The following TRIM66 variants were observed in gnomAD, a reference collection of about 807,000 sequenced individuals.
TRIM66 encodes the protein tripartite motif-containing protein 66.
In TRIM66, 99 loss-of-function variants were observed where a neutral mutation model predicts 148.2. The ratio of observed to expected loss-of-function variants is 0.67; its 90% CI spans 0.57 to 0.79. TRIM66 has a LOEUF of 0.79. TRIM66 is among the 30% of genes least tolerant of loss of function. TRIM66 has a pLI of 0.00. For synonymous variants in TRIM66, 616 were observed against 635.9 expected, an observed-to-expected ratio of 0.97 and a Z score of 0.47; for missense variants, 1,666 against 1,697.9, an observed-to-expected ratio of 0.98 and a Z score of 0.33.
chr11:8,671,912 G>T lies in TRIM66; in HGVS notation c.214C>A (p.His72Asn). Residue 72 changes from histidine (H) to asparagine (N), a missense_variant, in exon 6 of 25, where the codon CAT becomes AAT. This residue lies in a region of TRIM66 where 1,431 missense variants were observed against 1,412.4 expected (regional missense o/e 1.01). Coordinates refer to ENST00000646038, the MANE Select transcript of TRIM66 (RefSeq NM_001388022.1). ...GAGCCCATACCTGGCAGGTCCTGATGGCACAATGAGCAGGTCATTACCATG... is the reference window on the plus strand; with the variant it reads ...GAGCCCATACCTGGCAGGTCCTGATTGCACAATGAGCAGGTCATTACCATG... ...EAMVMTCSLC[H>N]QDLPGMGSHL... The T allele has an allele frequency of 1.3e-6, 2 of 1,536,118 alleles. No individual in the cohort carries two copies. Among genetic ancestry groups the T allele is most frequent in the South Asian group, 1.2e-5 (1 of 84,064 alleles).
intron 6 of TRIM66, among the ~76,000 whole-genome samples, chr11:8,661,672 C>T (rs528365886): frequency 1.3e-5 from 2 of 152,216 alleles, no homozygotes; most frequent in South Asian, 2.1e-4. Flanking sequence ...TGCAAGTGAC[C>T]GATTATGTGG....
chr11:8,624,733 G>A lies in TRIM66; in HGVS notation c.2806C>T (p.Leu936=), dbSNP rs1188975974. The change falls in exon 16 of 25, where the codon CTG becomes TTG. Residue 936 remains leucine (L), a synonymous_variant. Transcript: ENST00000646038. ...CTTACCTTACACAGAGCATTCTCCAGGGAGGGATCAGCCCCATCTCTGGGA... is the reference window on the plus strand; with the variant it reads ...CTTACCTTACACAGAGCATTCTCCAAGGAGGGATCAGCCCCATCTCTGGGA... ...LCPRDGADPS[L]ENALCKMESE... is the part of the protein sequence containing the mutation. The A allele has an allele frequency of 6.5e-7, 1 of 1,534,564 alleles. No homozygotes were observed. Among genetic ancestry groups the A allele is most frequent in the Admixed American group, 2.0e-5 (1 of 50,016 alleles).
intron 3 of TRIM66, 185 bp downstream of exon 3, chr11:8,679,435 G>A (rs915368141): frequency 6.6e-6 from 1 of 152,578 alleles, no homozygotes; most frequent in African/African-American, 2.4e-5. Flanking sequence ...CTTCTGTTCA[G>A]CCGCGTGACC....
At chr11:8,668,409 T>G (rs1043658455) in intron 6 of TRIM66, among the ~76,000 whole-genome samples, 2 of 152,104 alleles carry the variant, frequency 1.3e-5, no homozygotes, top group Non-Finnish European at 2.9e-5. Flanking sequence ...GTAGTTCTTC[T>G]GCTTCAGTGA....
At chr11:8,681,393 A>G (rs574052877) in intron 1 of TRIM66, among the ~76,000 whole-genome samples, 8 of 152,090 alleles carry the variant, frequency 5.3e-5, no homozygotes, top group Non-Finnish European at 8.8e-5. Flanking sequence ...TCGGCCTTCC[A>G]AAGTGCTGGG....
chr11:8,625,275 T>TGGAG, intron 15 of TRIM66, 47 bp from the exon 16 acceptor site: 2 of 1,455,220 alleles, frequency 1.4e-6, no homozygotes, highest in Non-Finnish European at 1.8e-6. Flanking sequence ...TAGCTGGGAA[T>TGGAG]GGAGGGAGGG....
intron 6 of TRIM66, among the ~76,000 whole-genome samples, chr11:8,656,071 C>T (rs2037805331): frequency 6.6e-6 from 1 of 152,162 alleles, no homozygotes. Flanking sequence ...GTCACAACAC[C>T]TTTGTCCAGA....
intron 20 of TRIM66, 27 bp from the exon 21 acceptor site, chr11:8,620,599 G>A: frequency 6.4e-7 from 1 of 1,550,632 alleles, no homozygotes; most frequent in South Asian, 1.2e-5. Context: ...GGCCATGTTA[G>A]GCCTCAGCAC....
chr11:8,658,100 TCTC>T (rs1236055463), intron 6 of TRIM66, among the ~76,000 whole-genome samples: 2 of 152,276 alleles, frequency 1.3e-5, no homozygotes, highest in East Asian at 3.9e-4. Flanking sequence ...GCCTGGATCC[TCTC>T]CTCCTTTCTC....
rs776380709 is a variant in TRIM66, at chr11:8,622,838, C to T, written c.3058G>A (p.Ala1020Thr). The change falls in exon 18 of 25, where the codon GCA (alanine) becomes ACA (threonine). Residue 1020 changes from alanine to threonine, a missense_variant. Transcript: ENST00000646038. ...TACCTGATGCTCTGGTTCTCTTTTG[C>T]ATCCAGCTCTAGGGCTCCTTGTTCA... ...NFEQGALELD[A>T]KENQSIRAFN... The T allele has an allele frequency of 7.1e-6, 11 of 1,551,990 alleles. No individual in the cohort carries two copies. The South Asian group carries it at 1.3e-4, about 18-fold the overall frequency.
chr11:8,672,071 A>G lies in TRIM66; in HGVS notation c.55T>C (p.Cys19Arg), dbSNP rs1332218513. The G allele has an allele frequency of 6.5e-7, 1 of 1,534,544 alleles. No homozygotes were observed. The highest frequency in any genetic ancestry group is 1.4e-5 in the African/African-American group (1 of 73,028). ...CCACTGATATCCTCAGGTGAGAAGCAGCGTGTAGAGCGAGCCAGCTCCACT... is the reference window on the plus strand; with the variant it reads ...CCACTGATATCCTCAGGTGAGAAGCGGCGTGTAGAGCGAGCCAGCTCCACT... Reference protein sequence around the residue: ...QGVELARSTRCFSPEDISGKA... With the variant: ...QGVELARSTRRFSPEDISGKA... The change falls in exon 6 of 25, where the codon TGC (cysteine) becomes CGC (arginine). Residue 19 changes from cysteine to arginine, a missense_variant. Transcript: ENST00000646038.
intron 6 of TRIM66, among the ~76,000 whole-genome samples, chr11:8,656,349 G>A (rs991513336): frequency 2.0e-5 from 3 of 152,016 alleles, no homozygotes; most frequent in Non-Finnish European, 4.4e-5. Flanking sequence ...ATTTTATTCA[G>A]TTAATTATTA....
At chr11:8,655,516 C>G (rs7941510) in intron 6 of TRIM66, among the ~76,000 whole-genome samples, 1 of 151,924 alleles carries the variant, frequency 6.6e-6, no homozygotes, top group South Asian at 2.1e-4. Flanking sequence ...GGCACGGTGG[C>G]TCATGCCTGT....
intron 15 of TRIM66, among the ~76,000 whole-genome samples, chr11:8,625,921 T>A (rs569678043): frequency 2.0e-5 from 3 of 152,318 alleles, no homozygotes; most frequent in South Asian, 2.1e-4. Context: ...TTGAAGGTCT[T>A]TTCTGGCCCT....
chr11:8,666,966 G>C (rs767724297), intron 6 of TRIM66, among the ~76,000 whole-genome samples: 1 of 151,970 alleles, frequency 6.6e-6, no homozygotes, highest in Non-Finnish European at 1.5e-5. Flanking sequence ...ACTGGTACCT[G>C]CCAACACACC....
At chr11:8,641,271 A>G in intron 13 of TRIM66, 119 bp from the exon 14 acceptor site, 1 of 936,580 alleles carries the variant, frequency 1.1e-6, no homozygotes. Flanking sequence ...ACAGAGATTA[A>G]GAAACTCAAC....
In TRIM66 at chr11:8,625,032, G is replaced by T. The variant is rs1403300319; in HGVS notation, c.2507C>A (p.Ala836Asp). Reference sequence around the variant, plus strand: ...GTGACTGGTTGTCAGGCTGGGCATGGCCTGGTTTTGAACACTTGTCAGGCT... The same window carrying T: ...GTGACTGGTTGTCAGGCTGGGCATGTCCTGGTTTTGAACACTTGTCAGGCT... Reference protein sequence around the residue: ...VSSLTSVQNQAMPSLTTSHLQ... With the variant: ...VSSLTSVQNQDMPSLTTSHLQ... Residue 836 changes from alanine (A) to aspartate (D), a missense_variant, in exon 16 of 25, where the codon GCC becomes GAC. Transcript: ENST00000646038. 2.6e-6 allele frequency: 4 copies of T among 1,551,632 alleles called. No homozygotes were observed. Among genetic ancestry groups the T allele is most frequent in the Non-Finnish European group, 3.5e-6 (4 of 1,147,016 alleles).
rs776834444 is a variant in TRIM66, at chr11:8,614,916, A to G, written c.*3028T>C. On this transcript the variant is annotated 3_prime_UTR_variant, in exon 25 of 25. Transcript: ENST00000646038. ...CATGTTCTGTGGAAGAGTGCTCTGC[A>G]AGTTCATCCTGAACCAATTTTTTTT... is the stretch of plus-strand genomic sequence containing the variant. 2 of 152,266 alleles carry G rather than the reference A, an allele frequency of 1.3e-5. No individual in the cohort carries two copies. Among genetic ancestry groups the G allele is most frequent in the African/African-American group, 2.4e-5 (1 of 41,460 alleles). 9.4% of individuals were successfully genotyped at this position (152,266 alleles called of 1,614,324 possible).
chr11:8,631,110 A>G (rs1376146742), intron 15 of TRIM66, among the ~76,000 whole-genome samples: 1 of 152,218 alleles, frequency 6.6e-6, no homozygotes, highest in Admixed American at 6.5e-5. Context: ...ATTGAGACAC[A>G]GAGTGATTAC....
Sources: gnomAD v4.1 joint callset for allele counts (sites outside exome capture counted in the v4.1 genomes callset) on GRCh38, gnomAD v4.1.1 for gene constraint, gnomAD v4.1.1 regional missense constraint, MANE v1.5 for transcripts, NCBI Gene and HGNC (gene_info 2026-07-23, HGNC 2026-07-21) for gene names.